The following SYNDIG1 variants were observed in gnomAD, a reference collection of about 807,000 sequenced individuals.
SYNDIG1 encodes the protein synapse differentiation inducing 1, also known as synapse differentiation-inducing gene protein 1.
In SYNDIG1, 9 loss-of-function variants were observed where a neutral mutation model predicts 19.4. The ratio of observed to expected loss-of-function variants is 0.46; its 90% CI spans 0.28 to 0.81. SYNDIG1 has a LOEUF of 0.81. SYNDIG1 is among the 30% of genes least tolerant of loss of function. The pLI is 0.12. For missense variants in SYNDIG1, 311 were observed against 343.3 expected, an observed-to-expected ratio of 0.91 and a Z score of 0.74; for synonymous variants, 141 against 145.9, an observed-to-expected ratio of 0.97 and a Z score of 0.24.
Position 24,543,265 on chromosome 20 carries a change from C to G in SYNDIG1, c.168C>G (p.Ser56Arg). ...PQYQSHRVGA[S>R]TVPASLDSSR... ...ACCAGAGCCACCGGGTGGGGGCCAG[C>G]ACAGTGCCGGCCAGCCTGGACAGCA... is the stretch of plus-strand genomic sequence containing the variant. Residue 56 changes from serine to arginine, a missense_variant, in exon 2 of 4, where the codon AGC becomes AGG. Coordinates refer to ENST00000376862, the MANE Select transcript of SYNDIG1 (RefSeq NM_024893.3). The G allele has an allele frequency of 1.2e-6, 2 of 1,613,708 alleles. No homozygotes were observed. The highest frequency in any genetic ancestry group is 1.7e-6 in the Non-Finnish European group (2 of 1,180,022).
intron 3 of SYNDIG1, among the ~76,000 whole-genome samples, chr20:24,638,013 C>T (rs1352435234): frequency 6.6e-6 from 1 of 152,260 alleles, no homozygotes; most frequent in Admixed American, 6.5e-5. Flanking sequence ...GACTAACATC[C>T]AGTCATCCAG....
chr20:24,648,041 G>T (rs1328951694), intron 3 of SYNDIG1, among the ~76,000 whole-genome samples: 1 of 151,964 alleles, frequency 6.6e-6, no homozygotes, highest in African/African-American at 2.4e-5. Flanking sequence ...TCTTAGAAGG[G>T]TACTCATCCC....
intron 3 of SYNDIG1, among the ~76,000 whole-genome samples, chr20:24,609,251 A>G (rs922401532): frequency 3.3e-5 from 5 of 152,230 alleles, no homozygotes; most frequent in African/African-American, 1.2e-4. Context: ...AGAATCCCAG[A>G]CAGAGAGCAT....
At chr20:24,608,306 G>A (rs2058793022) in intron 3 of SYNDIG1, among the ~76,000 whole-genome samples, 1 of 151,864 alleles carries the variant, frequency 6.6e-6, no homozygotes. Context: ...AGCCTCCCAA[G>A]TAGCTGGGAC....
chr20:24,573,119 G>A (rs188217744), intron 2 of SYNDIG1, among the ~76,000 whole-genome samples: 94 of 152,320 alleles, frequency 6.2e-4, no homozygotes, highest in Middle Eastern at 3.4e-3. Flanking sequence ...TGGGCATCCT[G>A]TGAAGAGCAT....
intron 1 of SYNDIG1, among the ~76,000 whole-genome samples, chr20:24,500,348 T>A (rs1005380630): frequency 6.6e-6 from 1 of 151,486 alleles, no homozygotes; most frequent in Non-Finnish European, 1.5e-5. Flanking sequence ...AAGGATGGAG[T>A]CCTTTTCTAT....
chr20:24,613,232 C>G (rs1026564477), intron 3 of SYNDIG1, among the ~76,000 whole-genome samples: 2 of 152,188 alleles, frequency 1.3e-5, no homozygotes, highest in African/African-American at 4.8e-5. Flanking sequence ...CCAACTTACT[C>G]CCTGTCCCAG....
intron 3 of SYNDIG1, among the ~76,000 whole-genome samples, chr20:24,652,664 C>T (rs949227262): frequency 6.6e-6 from 1 of 152,250 alleles, no homozygotes; most frequent in African/African-American, 2.4e-5. Context: ...CCTTGGCACT[C>T]ATGGCTCTAA....
intron 3 of SYNDIG1, among the ~76,000 whole-genome samples, chr20:24,640,399 AAAG>A (rs1367805774): frequency 3.3e-5 from 5 of 150,506 alleles, no homozygotes; most frequent in Non-Finnish European, 7.4e-5. Context: ...GAGAAAAAGA[AAAG>A]AAAGTGAGAG....
At chr20:24,515,450 G>T (rs997314823) in intron 1 of SYNDIG1, among the ~76,000 whole-genome samples, 1 of 152,116 alleles carries the variant, frequency 6.6e-6, no homozygotes, top group Non-Finnish European at 1.5e-5. Flanking sequence ...CATCATCTCA[G>T]CCCAAAATCT....
At chr20:24,650,872 G>C (rs753692290) in intron 3 of SYNDIG1, among the ~76,000 whole-genome samples, 1 of 151,990 alleles carries the variant, frequency 6.6e-6, no homozygotes, top group Non-Finnish European at 1.5e-5. Flanking sequence ...GCCTCACTCT[G>C]TAGCCCAGGC....
intron 3 of SYNDIG1, among the ~76,000 whole-genome samples, chr20:24,593,288 C>T (rs1257239327): frequency 1.3e-5 from 2 of 152,170 alleles, no homozygotes; most frequent in African/African-American, 4.8e-5. Context: ...TAAGTCAGAA[C>T]ATGCAGTATT....
chr20:24,589,242 G>A (rs570975783), intron 3 of SYNDIG1, among the ~76,000 whole-genome samples: 48 of 152,274 alleles, frequency 3.2e-4, no homozygotes, highest in African/African-American at 1.1e-3. Flanking sequence ...AGTCCAGAAG[G>A]TGGAAAATTA....
chr20:24,494,618 C>G (rs985704559), intron 1 of SYNDIG1, among the ~76,000 whole-genome samples: 1 of 152,142 alleles, frequency 6.6e-6, no homozygotes, highest in Non-Finnish European at 1.5e-5. Flanking sequence ...CAGACCCCCC[C>G]GGGAGAGGTG....
chr20:24,659,560 C>T (rs1568721737), intron 3 of SYNDIG1, among the ~76,000 whole-genome samples: 1 of 152,262 alleles, frequency 6.6e-6, no homozygotes, highest in South Asian at 2.1e-4. Flanking sequence ...CTGGCAAGGC[C>T]GCTGGGAAGG....
intron 3 of SYNDIG1, among the ~76,000 whole-genome samples, chr20:24,615,804 T>TC (rs1416029972): frequency 5.7e-5 from 8 of 140,988 alleles, no homozygotes; most frequent in Non-Finnish European, 1.1e-4. Flanking sequence ...AACATGGGAT[T>TC]CTTCCCTCTC....
chr20:24,479,261 T>G (rs1328712384), intron 1 of SYNDIG1, among the ~76,000 whole-genome samples: 1 of 152,144 alleles, frequency 6.6e-6, no homozygotes, highest in African/African-American at 2.4e-5. Context: ...GATGGGTTCT[T>G]CCCGCTCCTC....
chr20:24,583,212 T>C (rs2147019876), intron 2 of SYNDIG1, among the ~76,000 whole-genome samples: 1 of 152,306 alleles, frequency 6.6e-6, no homozygotes, highest in South Asian at 2.1e-4. Flanking sequence ...TAAGGAGGAA[T>C]GTCTGGGGGC....
At chr20:24,549,608 C>G (rs1030977548) in intron 2 of SYNDIG1, among the ~76,000 whole-genome samples, 2 of 152,170 alleles carry the variant, frequency 1.3e-5, no homozygotes, top group East Asian at 3.8e-4. Context: ...GTGACTGCAA[C>G]CCCACTGTTA....
Sources: allele counts gnomAD v4.1 joint callset (sites outside exome capture counted in the v4.1 genomes callset), GRCh38; gene constraint gnomAD v4.1.1; transcripts MANE v1.5; gene names NCBI Gene and HGNC (gene_info 2026-07-23, HGNC 2026-07-21).